The following MARK1 variants were observed in gnomAD, a reference collection of about 807,000 sequenced individuals.
MARK1 encodes the protein microtubule affinity regulating kinase 1.
In MARK1, 40 loss-of-function variants were observed where a neutral mutation model predicts 96.3. The observed-to-expected ratio is 0.42, with a 90% confidence interval of 0.32 to 0.54. MARK1 has a LOEUF of 0.54. Among genes scored for constraint, MARK1 ranks in the 20% least tolerant of loss-of-function variants. The pLI is 0.16. For synonymous variants in MARK1, 317 were observed against 341.2 expected, an observed-to-expected ratio of 0.93 and a Z score of 0.78; for missense variants, 719 against 984.6, an observed-to-expected ratio of 0.73 and a Z score of 3.61.
chr1:220,607,878 C>T (rs1666182054), intron 6 of MARK1, among the ~76,000 whole-genome samples: 1 of 152,176 alleles, frequency 6.6e-6, no homozygotes, highest in South Asian at 2.1e-4. Context: ...GTATATTGAA[C>T]TGGCCTTGCA....
rs1296500144 is a variant in MARK1, at chr1:220,652,048, C to T, written c.1634C>T (p.Pro545Leu). ...SAGSSVASAV[P>L]SARPRHQKSM... is the part of the protein sequence containing the mutation. ...GGCTCTTCTGTGGCCTCTGCTGTCC[C>T]CTCAGCACGACCCCGCCACCAGAAG... is the stretch of plus-strand genomic sequence containing the variant. Residue 545 changes from proline (P) to leucine (L), a missense_variant, in exon 15 of 18, where the codon CCC becomes CTC. Pro to Leu is a moderately conservative substitution (Grantham distance 98). Transcript: ENST00000366917. 2 of 1,613,582 alleles carry T rather than the reference C, an allele frequency of 1.2e-6. No individual in the cohort carries two copies. The highest frequency in any genetic ancestry group is 1.7e-6 in the Non-Finnish European group (2 of 1,179,600).
Position 220,528,879 on chromosome 1 carries a change from T to C in MARK1, c.51+6T>C. 1 of 1,565,422 alleles carries C rather than the reference T, an allele frequency of 6.4e-7. No individual in the cohort carries two copies. The highest frequency in any genetic ancestry group is 8.7e-7 in the Non-Finnish European group (1 of 1,154,840). On this transcript the variant is annotated splice_donor_region_variant and intron_variant, in intron 1 of 17. Transcript: ENST00000366917. Reference sequence around the variant, plus strand: ...ACGAGCGGGACACGGAAAATGTGAGTAACCGGAGCCTCCCTCGGGAGCAGT... The same window carrying C: ...ACGAGCGGGACACGGAAAATGTGAGCAACCGGAGCCTCCCTCGGGAGCAGT...
chr1:220,626,853 C>T (rs148029594), intron 9 of MARK1: 206 of 424,188 alleles, frequency 4.9e-4, no homozygotes, highest in African/African-American at 4.0e-3. Context: ...GGGGGCATGC[C>T]AAGTGTATGG....
At chr1:220,548,508 GA>G (rs111597256) in intron 1 of MARK1, among the ~76,000 whole-genome samples, 1,737 of 152,298 alleles carry the variant, frequency 0.011, 26 homozygotes, top group African/African-American at 0.04. Flanking sequence ...GGGAGGCTGA[GA>G]CTGGCGGATC....
At chr1:220,616,092 T>C (rs1398239812) in intron 7 of MARK1, 97 bp downstream of exon 7, 1 of 599,984 alleles carries the variant, frequency 1.7e-6, no homozygotes, top group Non-Finnish European at 2.8e-6. Context: ...TGCCTAACTG[T>C]GCTGCTGGAC....
chr1:220,649,060 G>A (rs1051938472), intron 13 of MARK1, among the ~76,000 whole-genome samples: 2 of 152,196 alleles, frequency 1.3e-5, no homozygotes, highest in Non-Finnish European at 2.9e-5. Flanking sequence ...GATGTGGATA[G>A]ATGTTAATGA....
Position 220,618,169 on chromosome 1 carries a change from C to A in MARK1, c.553-141C>A, listed in dbSNP as rs1666861918. 2 of 619,196 alleles carry A rather than the reference C, an allele frequency of 3.2e-6. No homozygotes were observed. The highest frequency in any genetic ancestry group is 5.7e-6 in the Non-Finnish European group (2 of 352,244). 38.4% of individuals were successfully genotyped at this position (619,196 alleles called of 1,614,324 possible). A position where few individuals can be genotyped will look rare whatever the true frequency, so the allele number is the denominator to read the frequency against. ...TTCAGAACAGTTATGCATTGAAGTA[C>A]CATACTGGGCTTCTAAATTTGATAC... On this transcript the variant is annotated intron_variant, in intron 7 of 17. Transcript: ENST00000366917. The surrounding 1 kb of genome is among the most constrained non-coding windows in gnomAD (Gnocchi z 4.6).
In MARK1 at chr1:220,618,231, T is replaced by G; in HGVS notation, c.553-79T>G. The G allele has an allele frequency of 1.1e-6, 1 of 901,564 alleles. No individual in the cohort carries two copies. Among genetic ancestry groups the G allele is most frequent in the Middle Eastern group, 2.6e-4 (1 of 3,800 alleles). 55.8% of individuals were successfully genotyped at this position (901,564 alleles called of 1,614,324 possible). On this transcript the variant is annotated intron_variant, in intron 7 of 17. Transcript: ENST00000366917. The surrounding 1 kb of genome is among the most constrained non-coding windows in gnomAD (Gnocchi z 4.6). ...ATGAGGGGCAAGAGATATGTAAGTTTGGAAGCTAAAACTCTTTTACAAATA... is the reference window on the plus strand; with the variant it reads ...ATGAGGGGCAAGAGATATGTAAGTTGGGAAGCTAAAACTCTTTTACAAATA...
At chr1:220,535,049 CGTA>C (rs910357523) in intron 1 of MARK1, among the ~76,000 whole-genome samples, 7 of 151,880 alleles carry the variant, frequency 4.6e-5, no homozygotes, top group Admixed American at 1.3e-4. Context: ...CAGAAATGGT[CGTA>C]TGTTAGTTCT....
intron 1 of MARK1, among the ~76,000 whole-genome samples, chr1:220,556,743 T>A (rs1662291120): frequency 6.6e-6 from 1 of 152,086 alleles, no homozygotes. Context: ...ATTATAGAAA[T>A]GAAGTATGTT....
At chr1:220,591,295 G>A (rs1323716111) in intron 3 of MARK1, among the ~76,000 whole-genome samples, 4 of 152,210 alleles carry the variant, frequency 2.6e-5, no homozygotes, top group Non-Finnish European at 5.9e-5. Context: ...GAAACATGGA[G>A]CTGCCAGGAA....
chr1:220,577,535 A>C (rs943758459), intron 1 of MARK1, among the ~76,000 whole-genome samples: 7 of 152,166 alleles, frequency 4.6e-5, no homozygotes, highest in African/African-American at 1.7e-4. Flanking sequence ...CACCTGGAAA[A>C]CTTGTTGAAA....
At chr1:220,566,118 A>T (rs1032325637) in intron 1 of MARK1, among the ~76,000 whole-genome samples, 6 of 152,180 alleles carry the variant, frequency 3.9e-5, no homozygotes, top group African/African-American at 1.4e-4. Context: ...TACAGTTAGG[A>T]TTAAATAATA....
chr1:220,614,502 C>T (rs1332260738), intron 6 of MARK1, among the ~76,000 whole-genome samples: 1 of 151,408 alleles, frequency 6.6e-6, no homozygotes, highest in African/African-American at 2.4e-5. Context: ...GTGATTCTAC[C>T]TTGTATTATA....
chr1:220,662,190 G>C lies in MARK1; in HGVS notation c.*24G>C, dbSNP rs1669516964. ...AAAGAAGTCCAAATTTACAGGTTCAGGGAAGATACATACATATATGAGGTA... is the reference window on the plus strand; with the variant it reads ...AAAGAAGTCCAAATTTACAGGTTCACGGAAGATACATACATATATGAGGTA... On this transcript the variant is annotated 3_prime_UTR_variant, in exon 18 of 18. Transcript: ENST00000366917. 6.4e-7 allele frequency: 1 copy of C among 1,557,290 alleles called. No individual in the cohort carries two copies.
rs1007143302 is a variant in MARK1, at chr1:220,528,543, C to T, written c.-280C>T. On this transcript the variant is annotated 5_prime_UTR_variant, in exon 1 of 18. Transcript: ENST00000366917. The stretch of plus-strand genomic sequence containing the variant: ...CCACGCCTCATCCTGCCAGCCTCGC[C>T]GCCCCGCCAGCGCCGGGCAACCGCC... 10 of 450,472 alleles carry T rather than the reference C, an allele frequency of 2.2e-5. No individual in the cohort carries two copies. The East Asian group carries it at 3.9e-4, about 18-fold the overall frequency. 27.9% of individuals were successfully genotyped at this position (450,472 alleles called of 1,614,324 possible).
chr1:220,651,652 G>T (rs773629871), intron 14 of MARK1, among the ~76,000 whole-genome samples: 2 of 152,104 alleles, frequency 1.3e-5, no homozygotes, highest in South Asian at 2.1e-4. Flanking sequence ...TGTGACTTTG[G>T]GGAAGTAAAA....
At chr1:220,560,402 C>T (rs1662586637) in intron 1 of MARK1, among the ~76,000 whole-genome samples, 1 of 152,192 alleles carries the variant, frequency 6.6e-6, no homozygotes, top group Non-Finnish European at 1.5e-5. Context: ...TTAATTGCCT[C>T]AGCATGGGAT....
intron 5 of MARK1, among the ~76,000 whole-genome samples, chr1:220,602,489 T>C (rs910774236): frequency 8.5e-5 from 13 of 152,172 alleles, no homozygotes; most frequent in African/African-American, 3.1e-4. Context: ...TACAGGACTA[T>C]GTCATGTAAA....
Sources: allele counts gnomAD v4.1 joint callset (sites outside exome capture counted in the v4.1 genomes callset), GRCh38; gene constraint gnomAD v4.1.1; non-coding constraint Gnocchi (gnomAD v3.1); transcripts MANE v1.5; gene names NCBI Gene and HGNC (gene_info 2026-07-23, HGNC 2026-07-21).